PTPRQ: variants seen among roughly 807,000 people sequenced by gnomAD.
PTPRQ encodes the protein protein tyrosine phosphatase receptor type Q, also known as phosphatidylinositol phosphatase PTPRQ.
PTPRQ carries 199 observed loss-of-function variants against 246.0 expected under a neutral mutation model. The ratio of observed to expected loss-of-function variants is 0.81; its 90% CI spans 0.72 to 0.91. The LOEUF is 0.91. Ranked by LOEUF, PTPRQ falls within the 40% of genes least tolerant of loss-of-function variation. The pLI is 0.00. For synonymous variants in PTPRQ, 869 were observed against 853.2 expected (o/e 1.02, Z -0.32); for missense variants, 2,624 against 2,528.4 (o/e 1.04, Z -0.81).
At chr12:80,527,415 A>T (rs2120780775) in intron 17 of PTPRQ, among the ~76,000 whole-genome samples, 1 of 152,202 alleles carries the variant, frequency 6.6e-6, no homozygotes, top group African/African-American at 2.4e-5. Flanking sequence ...ATGATGCTTT[A>T]AAGTATTAAA....
intron 17 of PTPRQ, among the ~76,000 whole-genome samples, chr12:80,512,427 A>G (rs1895150951): frequency 6.6e-6 from 1 of 152,150 alleles, no homozygotes; most frequent in Non-Finnish European, 1.5e-5. Flanking sequence ...ACTCCATGTC[A>G]ATGGGAGCCT....
Position 80,506,561 on chromosome 12 carries a change from C to A in PTPRQ, c.2456-8C>A. The A allele has an allele frequency of 6.7e-7, 1 of 1,495,406 alleles. No homozygotes were observed. 92.6% of individuals were successfully genotyped at this position (1,495,406 alleles called of 1,614,324 possible). ...AAGTTTCAACTTACCTATTTGATTT[C>A]TCTTTAGTACTGAAGAAATATACCC... On this transcript the variant is annotated splice_region_variant and splice_polypyrimidine_tract_variant and intron_variant, in intron 15 of 44. Transcript: ENST00000644991.
At chr12:80,453,156 A>G (rs1313568594) in intron 3 of PTPRQ, among the ~76,000 whole-genome samples, 1 of 152,110 alleles carries the variant, frequency 6.6e-6, no homozygotes, top group East Asian at 1.9e-4. Context: ...AGTTGATCGC[A>G]TCGGCTCCTG....
chr12:80,613,654 C>T lies in PTPRQ; in HGVS notation c.4981C>T (p.Gln1661Ter), dbSNP rs2121109906. The T allele has an allele frequency of 1.3e-6, 2 of 1,545,618 alleles. No individual in the cohort carries two copies. The highest frequency in any genetic ancestry group is 4.9e-5 in the East Asian group (2 of 40,710). The part of the protein sequence containing the change: ...QKIPDEVTKF[Q>*]LTFLPPSQPN... ...GATACCAGATGAAGTTACAAAATTT[C>T]AATTAACGTTCCTTCCTCCTTCTCA... The change falls in exon 29 of 45, where the codon CAA (glutamine) becomes TAA (stop). Residue 1661 changes from glutamine to a stop codon, truncating the protein, a stop_gained. Transcript: ENST00000644991. LOFTEE classifies it high-confidence loss of function.
intron 25 of PTPRQ, among the ~76,000 whole-genome samples, chr12:80,554,074 G>A (rs1208013148): frequency 2.7e-5 from 4 of 150,832 alleles, no homozygotes; most frequent in Non-Finnish European, 4.4e-5. Flanking sequence ...AAGGTAGGAG[G>A]GGCAGGGGGG....
rs114312343 is a variant in PTPRQ, at chr12:80,454,617, T to G, written c.391-2958T>G. 4.4e-6 allele frequency: 3 copies of G among 686,070 alleles called. No homozygotes were observed. In the Admixed American group the frequency reaches 6.5e-5, roughly 15 times the overall value. 42.5% of individuals were successfully genotyped at this position (686,070 alleles called of 1,614,324 possible). A position where few individuals can be genotyped will look rare whatever the true frequency, so the allele number is the denominator to read the frequency against. ...TTGGCTGTGGTTTGTCATATATAGC[T>G]CTTATTATTTTGACATATGTTCCTT... On this transcript the variant is annotated intron_variant, in intron 3 of 44. Transcript: ENST00000644991.
At chr12:80,636,150 A>C (rs1002668119) in intron 35 of PTPRQ, among the ~76,000 whole-genome samples, 2 of 152,204 alleles carry the variant, frequency 1.3e-5, no homozygotes, top group African/African-American at 4.8e-5. Context: ...GTTTTCTTGG[A>C]TATGACAGCT....
chr12:80,649,519 C>T, intron 36 of PTPRQ, 69 bp from the exon 37 acceptor site: 1 of 1,496,290 alleles, frequency 6.7e-7, no homozygotes, highest in East Asian at 2.5e-5. Context: ...AAAGTGAAGC[C>T]AGTGCCAATG....
In PTPRQ at chr12:80,669,349, A is replaced by G. The variant is rs1411484298; in HGVS notation, c.6338A>G (p.His2113Arg). The G allele has an allele frequency of 1.9e-6, 3 of 1,549,732 alleles. No individual in the cohort carries two copies. In the South Asian group the frequency reaches 3.6e-5, roughly 19 times the overall value. Residue 2113 changes from histidine to arginine, a missense_variant, in exon 41 of 45, where the codon CAT becomes CGT. His to Arg is a conservative substitution (Grantham distance 29). Transcript: ENST00000644991. ...TTTCTCTGAATGCAGATCAGATGCC[A>G]TCAGTATTGGCCAGAGGACAACAAG... ...QCFEKGRIRC[H>R]QYWPEDNKPV...
At chr12:80,658,718 G>T (rs1900530304) in intron 39 of PTPRQ, among the ~76,000 whole-genome samples, 1 of 151,872 alleles carries the variant, frequency 6.6e-6, no homozygotes, top group Non-Finnish European at 1.5e-5. Context: ...ACCAAGTTAT[G>T]TCTCTTTATA....
intron 38 of PTPRQ, among the ~76,000 whole-genome samples, chr12:80,653,462 AT>A (rs1900319323): frequency 2.6e-5 from 4 of 152,200 alleles, no homozygotes; most frequent in Admixed American, 2.6e-4. Flanking sequence ...TTGAACAGAT[AT>A]CCCTATTTTC....
intron 8 of PTPRQ, among the ~76,000 whole-genome samples, chr12:80,479,253 A>G (rs1310602583): frequency 6.7e-6 from 1 of 148,926 alleles, no homozygotes; most frequent in East Asian, 2.0e-4. Flanking sequence ...TTTTCAACCC[A>G]GAATTTCATA....
chr12:80,599,111 CT>C (rs1694990428), intron 26 of PTPRQ, among the ~76,000 whole-genome samples: 1 of 151,920 alleles, frequency 6.6e-6, no homozygotes, highest in Non-Finnish European at 1.5e-5. Context: ...AGCTAACACA[CT>C]CAGCATCAAG....
At chr12:80,481,089 C>G (rs1419021953) in intron 8 of PTPRQ, among the ~76,000 whole-genome samples, 2 of 152,098 alleles carry the variant, frequency 1.3e-5, no homozygotes, top group Non-Finnish European at 2.9e-5. Context: ...AATTTTAGAC[C>G]AATATCCTTG....
At chr12:80,452,592 C>T (rs535029041) in intron 3 of PTPRQ, among the ~76,000 whole-genome samples, 2 of 152,260 alleles carry the variant, frequency 1.3e-5, no homozygotes, top group South Asian at 4.1e-4. Context: ...ATTTGTTTGT[C>T]TATAATGGTT....
intron 25 of PTPRQ, among the ~76,000 whole-genome samples, chr12:80,586,341 A>G (rs1476556331): frequency 1.3e-5 from 2 of 151,132 alleles, no homozygotes; most frequent in Non-Finnish European, 1.5e-5. Flanking sequence ...CAAAACCACA[A>G]TGAGATACCA....
chr12:80,597,399 G>A (rs1252994170), intron 26 of PTPRQ, among the ~76,000 whole-genome samples: 2 of 151,888 alleles, frequency 1.3e-5, no homozygotes, highest in Non-Finnish European at 2.9e-5. Flanking sequence ...CTGACCTGTT[G>A]TTCTAAAAAC....
Position 80,493,290 on chromosome 12 carries a change from A to G in PTPRQ, c.1375A>G (p.Met459Val), listed in dbSNP as rs1894507369. The stretch of plus-strand genomic sequence containing the variant: ...TTAATTACAGTATATAAATGACCCC[A>G]TGGCTCCAGAAATTGTGAACATAGT... ...TGNNEYINDPMAPEIVNIVEP... is the reference protein window; with the variant it reads ...TGNNEYINDPVAPEIVNIVEP... Residue 459 changes from methionine to valine, a missense_variant, in exon 10 of 45, where the codon ATG becomes GTG. Physicochemically the swap from Met to Val is conservative, Grantham distance 21. Coordinates refer to ENST00000644991, the MANE Select transcript of PTPRQ (RefSeq NM_001145026.2). 2 of 1,537,026 alleles carry G rather than the reference A, an allele frequency of 1.3e-6. No homozygotes were observed. The highest frequency in any genetic ancestry group is 4.9e-5 in the East Asian group (2 of 40,750).
intron 8 of PTPRQ, among the ~76,000 whole-genome samples, chr12:80,482,545 A>G (rs1451972694): frequency 6.6e-6 from 1 of 150,782 alleles, no homozygotes; most frequent in East Asian, 1.9e-4. Flanking sequence ...TAAACTAAAG[A>G]GCTTCTGTAC....
Sources: allele counts gnomAD v4.1 joint callset (sites outside exome capture counted in the v4.1 genomes callset), GRCh38; gene constraint gnomAD v4.1.1; transcripts MANE v1.5; gene names NCBI Gene and HGNC (gene_info 2026-07-23, HGNC 2026-07-21).